The following CSMD1 variants were observed in gnomAD, a reference collection of about 807,000 sequenced individuals.
CSMD1 encodes CUB and sushi domain-containing protein 1.
In CSMD1, 213 loss-of-function variants were observed where a neutral mutation model predicts 417.5. The observed-to-expected ratio is 0.51, with a 90% confidence interval of 0.46 to 0.57. The LOEUF (loss-of-function observed/expected upper bound fraction) is 0.57, where lower values mean the gene tolerates loss of function less well. Ranked by LOEUF, CSMD1 falls within the 20% of genes least tolerant of loss-of-function variation. The probability of loss-of-function intolerance (pLI) is 0.00; values close to 1 mark genes in which losing one functional copy is unlikely to be tolerated. For missense variants in CSMD1, 6,923 were observed against 4,529.7 expected (o/e 1.53, Z -15.17); for synonymous variants, 2,862 against 1,736.8 (o/e 1.65, Z -16.11).
At chr8:4,087,764 T>G (rs1800496086) in intron 3 of CSMD1, among the ~76,000 whole-genome samples, 1 of 152,184 alleles carries the variant, frequency 6.6e-6, no homozygotes, top group South Asian at 2.1e-4. Flanking sequence ...TAATCTTCTT[T>G]CTATATTTTC....
chr8:3,790,242 G>C (rs1455730962), intron 5 of CSMD1, among the ~76,000 whole-genome samples: 1 of 152,188 alleles, frequency 6.6e-6, no homozygotes, highest in African/African-American at 2.4e-5. Context: ...TCAGGGAAGA[G>C]TGCATTATCA....
chr8:3,059,164 C>A (rs184179213), intron 49 of CSMD1, among the ~76,000 whole-genome samples: 1 of 148,316 alleles, frequency 6.7e-6, no homozygotes, highest in African/African-American at 2.5e-5. Context: ...TATTTTAGCA[C>A]GACTATTAAT....
intron 1 of CSMD1, among the ~76,000 whole-genome samples, chr8:4,909,305 T>A (rs980528716): frequency 6.9e-6 from 1 of 144,582 alleles, no homozygotes; most frequent in African/African-American, 2.4e-5. Flanking sequence ...TTCTGAGAAT[T>A]TTCCCAGCAA....
chr8:3,531,799 A>T (rs1797992008), intron 10 of CSMD1, among the ~76,000 whole-genome samples: 1 of 152,222 alleles, frequency 6.6e-6, no homozygotes, highest in Admixed American at 6.5e-5. Flanking sequence ...AGCAAGCTAG[A>T]AGCTTACACA....
At chr8:3,889,466 T>C (rs1308588206) in intron 5 of CSMD1, among the ~76,000 whole-genome samples, 4 of 98,504 alleles carry the variant, frequency 4.1e-5, no homozygotes, top group East Asian at 5.8e-4. Flanking sequence ...TATATATATA[T>C]ATATATATAT....
intron 19 of CSMD1, 77 bp from the exon 20 acceptor site, chr8:3,367,324 G>T: frequency 1.1e-6 from 1 of 910,650 alleles, no homozygotes. Flanking sequence ...AGGGAGCGGG[G>T]CAGAGAGAGA....
chr8:3,445,267 G>A (rs1183128621), intron 12 of CSMD1, among the ~76,000 whole-genome samples: 1 of 149,398 alleles, frequency 6.7e-6, no homozygotes, highest in Non-Finnish European at 1.5e-5. Context: ...ACTGGTGGAA[G>A]AAGAAGTTAT....
intron 3 of CSMD1, among the ~76,000 whole-genome samples, chr8:4,109,958 T>G (rs1371811548): frequency 6.6e-6 from 1 of 152,116 alleles, no homozygotes; most frequent in African/African-American, 2.4e-5. Flanking sequence ...TGAATAATAC[T>G]CTATGAAAAA....
chr8:3,742,886 T>G (rs1267441456), intron 6 of CSMD1, among the ~76,000 whole-genome samples: 1 of 152,232 alleles, frequency 6.6e-6, no homozygotes, highest in African/African-American at 2.4e-5. Flanking sequence ...ATGACTGCAA[T>G]GGATAACAGA....
At chr8:3,059,118 A>C (rs1183354073) in intron 49 of CSMD1, among the ~76,000 whole-genome samples, 1 of 152,054 alleles carries the variant, frequency 6.6e-6, no homozygotes, top group African/African-American at 2.4e-5. Flanking sequence ...GAGACGCTGC[A>C]AGTGCAAATG....
Position 3,478,268 on chromosome 8 carries a change from G to A in CSMD1, c.1449-9444C>T, listed in dbSNP as rs139541861. 1.2e-3 allele frequency among the ~76,000 whole-genome samples: 176 copies of A among 152,268 alleles called. 3 individuals carry two copies. In the South Asian group the frequency reaches 0.015, roughly 13 times the overall value. On this transcript the variant is annotated intron_variant, in intron 11 of 69. Transcript: ENST00000635120. ...ATAAATTGTTCACGTGCGGAACTGC[G>A]TGAAAAAGATGTAATCCAAACCTCT...
At chr8:2,939,596 A>G (rs1476056532) in intron 69 of CSMD1, among the ~76,000 whole-genome samples, 1 of 152,154 alleles carries the variant, frequency 6.6e-6, no homozygotes, top group Non-Finnish European at 1.5e-5. Context: ...ACGTGGCAAA[A>G]CCAGAAATTT....
At chr8:4,218,066 T>G (rs1197191418) in intron 3 of CSMD1, among the ~76,000 whole-genome samples, 1 of 152,204 alleles carries the variant, frequency 6.6e-6, no homozygotes, top group East Asian at 1.9e-4. Flanking sequence ...AACCCACTGA[T>G]GCCTGAGGTT....
chr8:3,177,276 C>A (rs1377678764), intron 37 of CSMD1, among the ~76,000 whole-genome samples: 19 of 152,162 alleles, frequency 1.2e-4, no homozygotes, highest in Non-Finnish European at 4.4e-5. Flanking sequence ...CCACAGGCCT[C>A]TATCAGGGGG....
At chr8:4,775,538 C>A (rs559621710) in intron 1 of CSMD1, among the ~76,000 whole-genome samples, 1 of 151,934 alleles carries the variant, frequency 6.6e-6, no homozygotes, top group Non-Finnish European at 1.5e-5. Context: ...ATCAGAAGGA[C>A]CAAGGGTAAC....
intron 3 of CSMD1, among the ~76,000 whole-genome samples, chr8:4,164,027 G>A (rs186153131): frequency 4.6e-5 from 7 of 152,146 alleles, no homozygotes; most frequent in Non-Finnish European, 8.8e-5. Flanking sequence ...AGAGTAAGCT[G>A]TTGGTACATG....
intron 1 of CSMD1, among the ~76,000 whole-genome samples, chr8:4,920,213 G>A (rs977801160): frequency 6.6e-6 from 1 of 152,024 alleles, no homozygotes; most frequent in Non-Finnish European, 1.5e-5. Context: ...AAACAGGACA[G>A]GATCTTCACC....
intron 31 of CSMD1, among the ~76,000 whole-genome samples, chr8:3,204,695 G>T (rs1245582746): frequency 6.6e-6 from 1 of 152,094 alleles, no homozygotes; most frequent in Admixed American, 6.6e-5. Context: ...TCTCAAATAC[G>T]TCTAACATTA....
chr8:3,387,388 G>C (rs1479923782), intron 18 of CSMD1, 106 bp downstream of exon 18: 2 of 884,546 alleles, frequency 2.3e-6, no homozygotes, highest in African/African-American at 1.7e-5. Context: ...ACTCACGCCA[G>C]TCGTAAGGTA....
Sources: allele counts gnomAD v4.1 joint callset (sites outside exome capture counted in the v4.1 genomes callset), GRCh38; gene constraint gnomAD v4.1.1; transcripts MANE v1.5; gene names NCBI Gene and HGNC (gene_info 2026-07-23, HGNC 2026-07-21).